Variants in BMPR1B observed in about 807,000 individuals in gnomAD.
BMPR1B encodes the protein bone morphogenetic protein receptor type 1B, also known as bone morphogenetic protein receptor type-1B.
BMPR1B carries 12 observed loss-of-function variants against 59.1 expected under a neutral mutation model. That is an observed-to-expected ratio of 0.20 (90% CI 0.13 to 0.33). BMPR1B has a LOEUF of 0.33. BMPR1B is among the 10% of genes least tolerant of loss of function. The probability of loss-of-function intolerance (pLI) is 1.00; values close to 1 mark genes in which losing one functional copy is unlikely to be tolerated. For synonymous variants in BMPR1B, 237 were observed against 207.3 expected (o/e 1.14, Z -1.23); for missense variants, 550 against 610.9 (o/e 0.90, Z 1.05).
intron 3 of BMPR1B, among the ~76,000 whole-genome samples, chr4:95,048,041 A>G (rs970067131): frequency 1.3e-5 from 2 of 152,168 alleles, no homozygotes; most frequent in African/African-American, 4.8e-5. Context: ...TTTAAGTGAG[A>G]ACATGCAATA....
intron 10 of BMPR1B, among the ~76,000 whole-genome samples, chr4:95,136,401 G>T (rs1733789509): frequency 6.6e-6 from 1 of 152,106 alleles, no homozygotes; most frequent in Admixed American, 6.5e-5. Context: ...CCAGGCTTTG[G>T]TATCAGGATG....
chr4:94,970,291 CTTCTCT>C (rs1730729771), intron 2 of BMPR1B, among the ~76,000 whole-genome samples: 2 of 53,314 alleles, frequency 3.8e-5, no homozygotes, highest in African/African-American at 9.9e-5. Context: ...CTTCTCTTCT[CTTCTCT>C]TCTCTTCTTT....
chr4:94,898,163 G>C (rs1320401051), intron 2 of BMPR1B, among the ~76,000 whole-genome samples: 2 of 151,660 alleles, frequency 1.3e-5, no homozygotes. Flanking sequence ...TGTTACCCAG[G>C]CTGGTCTTTA....
rs1454173604 is a variant in BMPR1B at position 95,149,904 on chromosome 4, GT to G, written c.1252+982del. On this transcript the variant is annotated intron_variant, in intron 11 of 12. Transcript: ENST00000515059. ...GAATTGAATTATTGTATCTGCTTCTGTGGTTGTATGGTTTCAATGTAAAGAT... is the reference window on the plus strand; with the variant it reads ...GAATTGAATTATTGTATCTGCTTCTGGGTTGTATGGTTTCAATGTAAAGAT... Among the ~76,000 whole-genome samples the G allele has an allele frequency of 2.6e-4, 40 of 152,312 alleles. No homozygotes were observed. The South Asian group carries it at 4.3e-3, about 17-fold the overall frequency.
chr4:94,944,647 T>G (rs958421305), intron 2 of BMPR1B, among the ~76,000 whole-genome samples: 1 of 152,188 alleles, frequency 6.6e-6, no homozygotes, highest in African/African-American at 2.4e-5. Context: ...GAAATGATGA[T>G]GATGTTTATA....
chr4:94,812,263 A>G (rs1578672014), intron 1 of BMPR1B, among the ~76,000 whole-genome samples: 1 of 152,214 alleles, frequency 6.6e-6, no homozygotes, highest in African/African-American at 2.4e-5. Flanking sequence ...GTATGTTTTA[A>G]GAGGCTTTGT....
intron 2 of BMPR1B, among the ~76,000 whole-genome samples, chr4:94,894,593 T>C (rs1211047550): frequency 1.3e-5 from 2 of 152,038 alleles, no homozygotes; most frequent in Non-Finnish European, 2.9e-5. Context: ...AGGATTTCCT[T>C]TTGAGAATAC....
intron 3 of BMPR1B, 168 bp from the exon 4 acceptor site, chr4:95,104,240 G>A (rs1731033996): frequency 1.3e-6 from 1 of 759,594 alleles, no homozygotes; most frequent in Non-Finnish European, 2.1e-6. Flanking sequence ...GTGTATACTA[G>A]GTAAAAGACA....
At chr4:95,042,346 C>A (rs1015832204) in intron 3 of BMPR1B, among the ~76,000 whole-genome samples, 4 of 152,116 alleles carry the variant, frequency 2.6e-5, no homozygotes, top group African/African-American at 9.7e-5. Flanking sequence ...GCCAAACAAA[C>A]AGATTGTAAG....
intron 2 of BMPR1B, among the ~76,000 whole-genome samples, chr4:94,899,846 A>G (rs1474768333): frequency 6.6e-6 from 1 of 152,040 alleles, no homozygotes; most frequent in Non-Finnish European, 1.5e-5. Context: ...TTCTCCCTAT[A>G]AATACTGTTG....
At chr4:94,841,814 A>G (rs1725096996) in intron 1 of BMPR1B, among the ~76,000 whole-genome samples, 1 of 152,212 alleles carries the variant, frequency 6.6e-6, no homozygotes, top group African/African-American at 2.4e-5. Flanking sequence ...ATGATAGTTA[A>G]TCTGGTAATA....
At chr4:94,779,691 G>C (rs1005385485) in intron 1 of BMPR1B, among the ~76,000 whole-genome samples, 6 of 152,034 alleles carry the variant, frequency 3.9e-5, no homozygotes, top group Admixed American at 6.6e-5. Context: ...AATTAGCCCG[G>C]TGTGGTGGCA....
intron 10 of BMPR1B, among the ~76,000 whole-genome samples, chr4:95,139,118 A>G (rs950924265): frequency 2.0e-5 from 3 of 152,078 alleles, no homozygotes; most frequent in Non-Finnish European, 2.9e-5. Flanking sequence ...TCTGTTTGTT[A>G]GTTTTCCTTC....
intron 1 of BMPR1B, among the ~76,000 whole-genome samples, chr4:94,842,507 G>A (rs765411755): frequency 3.9e-5 from 6 of 152,012 alleles, no homozygotes; most frequent in Non-Finnish European, 8.8e-5. Context: ...TACAGTCTTT[G>A]GGATTAACCA....
chr4:95,010,783 T>G (rs1396824307), intron 3 of BMPR1B, among the ~76,000 whole-genome samples: 2 of 152,190 alleles, frequency 1.3e-5, no homozygotes, highest in Non-Finnish European at 2.9e-5. Context: ...AAGATTTGTT[T>G]CAGGGTGAGT....
chr4:94,949,952 G>T (rs1729867209), intron 2 of BMPR1B, among the ~76,000 whole-genome samples: 1 of 152,156 alleles, frequency 6.6e-6, no homozygotes, highest in African/African-American at 2.4e-5. Context: ...TCCAGCATCT[G>T]TTGTTTCCTG....
chr4:95,053,955 C>G, intron 3 of BMPR1B, among the ~76,000 whole-genome samples: 1 of 152,116 alleles, frequency 6.6e-6, no homozygotes, highest in Non-Finnish European at 1.5e-5. Flanking sequence ...AATTCTGCGT[C>G]TACTTCAGTG....
chr4:94,835,274 A>G (rs1040457350), intron 1 of BMPR1B, among the ~76,000 whole-genome samples: 1 of 152,160 alleles, frequency 6.6e-6, no homozygotes, highest in Non-Finnish European at 1.5e-5. Flanking sequence ...AGCTCAAGGG[A>G]TCCTCCTGTC....
intron 1 of BMPR1B, among the ~76,000 whole-genome samples, chr4:94,805,828 A>G (rs995595441): frequency 2.6e-5 from 4 of 152,124 alleles, no homozygotes; most frequent in Admixed American, 2.0e-4. Flanking sequence ...TTATGTTGAA[A>G]TTTCCATATC....
Sources: allele counts gnomAD v4.1 joint callset (sites outside exome capture counted in the v4.1 genomes callset), GRCh38; gene constraint gnomAD v4.1.1; transcripts MANE v1.5; gene names NCBI Gene and HGNC (gene_info 2026-07-23, HGNC 2026-07-21).